Variants in IRAG1 observed in about 807,000 individuals in gnomAD.
IRAG1 encodes IP3R-associated cGMP kinase substrate.
In IRAG1, 62 loss-of-function variants were observed where a neutral mutation model predicts 106.2. That is an observed-to-expected ratio of 0.58 (90% CI 0.48 to 0.72). The LOEUF (loss-of-function observed/expected upper bound fraction) is 0.72. Among genes scored for constraint, IRAG1 ranks in the 30% least tolerant of loss-of-function variants. The pLI, the probability that IRAG1 is intolerant of heterozygous loss-of-function variation, is 0.00. For missense variants in IRAG1, 1,064 were observed against 1,140.7 expected (o/e 0.93, Z 0.97); for synonymous variants, 462 against 443.9 (o/e 1.04, Z -0.51).
chr11:10,589,664 C>T (rs187392889), intron 18 of IRAG1, among the ~76,000 whole-genome samples: 2 of 152,306 alleles, frequency 1.3e-5, no homozygotes, highest in East Asian at 3.9e-4. Context: ...TAAAGATGCC[C>T]TCACCTCTTT....
chr11:10,603,011 C>T, intron 14 of IRAG1, 109 bp downstream of exon 14: 3 of 1,319,412 alleles, frequency 2.3e-6, no homozygotes, highest in Non-Finnish European at 3.1e-6. Flanking sequence ...ATGCCTGGCC[C>T]AGAGGAAGCC....
intron 2 of IRAG1, among the ~76,000 whole-genome samples, chr11:10,640,622 G>T (rs1309369537): frequency 1.3e-5 from 2 of 152,140 alleles, no homozygotes; most frequent in African/African-American, 2.4e-5. Context: ...GATTCTAGGG[G>T]CCCTCTGGGG....
intron 10 of IRAG1, among the ~76,000 whole-genome samples, chr11:10,610,115 G>C (rs962816807): frequency 6.6e-6 from 1 of 152,204 alleles, no homozygotes; most frequent in Admixed American, 6.5e-5. Flanking sequence ...AGGTCTACCT[G>C]CTTCAAATGT....
At chr11:10,587,551 C>A (rs1852152501) in intron 18 of IRAG1, among the ~76,000 whole-genome samples, 1 of 152,144 alleles carries the variant, frequency 6.6e-6, no homozygotes, top group African/African-American at 2.4e-5. Context: ...CCTGTGAAAT[C>A]TTTAAGGAAT....
intron 1 of IRAG1, among the ~76,000 whole-genome samples, chr11:10,675,284 A>G (rs1454124921): frequency 6.6e-6 from 1 of 152,154 alleles, no homozygotes; most frequent in South Asian, 2.1e-4. Context: ...TCAGACCCCA[A>G]GTAGAATCTG....
chr11:10,583,717 A>C (rs1383703756), intron 18 of IRAG1, among the ~76,000 whole-genome samples: 1 of 152,196 alleles, frequency 6.6e-6, no homozygotes, highest in Non-Finnish European at 1.5e-5. Flanking sequence ...GGATGCCCGA[A>C]GGAACTCAGT....
intron 10 of IRAG1, 145 bp downstream of exon 10, chr11:10,623,633 G>A (rs974861467): frequency 1.3e-6 from 1 of 781,136 alleles, no homozygotes. Flanking sequence ...TGAGCGGGCA[G>A]AAGACACAAT....
intron 15 of IRAG1, among the ~76,000 whole-genome samples, chr11:10,600,580 C>G (rs1853881780): frequency 6.6e-6 from 1 of 152,208 alleles, no homozygotes; most frequent in Non-Finnish European, 1.5e-5. Flanking sequence ...AAAGGGGATC[C>G]CAAAGCACAC....
Position 10,603,259 on chromosome 11 carries a change from G to T in IRAG1, c.1744-8C>A, listed in dbSNP as rs16908026. ...CCAGAGTGAAGCTGAGGACTGAACAGGAGTAGGAGCATCACCTGGGGTCCT... is the reference window on the plus strand; with the variant it reads ...CCAGAGTGAAGCTGAGGACTGAACATGAGTAGGAGCATCACCTGGGGTCCT... On this transcript the variant is annotated splice_polypyrimidine_tract_variant and splice_region_variant and intron_variant, in intron 13 of 20. Coordinates refer to ENST00000423302, the MANE Select transcript of IRAG1 (RefSeq NM_130385.4). The T allele has an allele frequency of 6.2e-7, 1 of 1,613,232 alleles. No individual in the cohort carries two copies. The highest frequency in any genetic ancestry group is 1.3e-5 in the African/African-American group (1 of 74,884).
chr11:10,680,319 AG>A (rs1861058380), intron 1 of IRAG1, among the ~76,000 whole-genome samples: 1 of 94,750 alleles, frequency 1.1e-5, no homozygotes, highest in Admixed American at 1.2e-4. Flanking sequence ...GGAGGGAGGG[AG>A]GGGGGAAGGA....
chr11:10,602,391 C>T (rs547657629), intron 14 of IRAG1, among the ~76,000 whole-genome samples: 2 of 152,328 alleles, frequency 1.3e-5, no homozygotes, highest in African/African-American at 2.4e-5. Flanking sequence ...TCATTTTATA[C>T]TTGAAAAGAC....
rs1442760505 is a variant in IRAG1, at chr11:10,575,900, G to A, written c.*432C>T. ...AAATTCCAGGTCTGATGCTTAGGGT[G>A]TTAGTCATTAAGCAAATTCTTCCTG... On this transcript the variant is annotated 3_prime_UTR_variant, in exon 21 of 21. Transcript: ENST00000423302. 1 of 184,416 alleles carries A rather than the reference G, an allele frequency of 5.4e-6. No homozygotes were observed. Among genetic ancestry groups the A allele is most frequent in the Non-Finnish European group, 1.2e-5 (1 of 85,196 alleles). 11.4% of individuals were successfully genotyped at this position (184,416 alleles called of 1,614,324 possible).
intron 1 of IRAG1, among the ~76,000 whole-genome samples, chr11:10,677,757 T>A (rs1392725190): frequency 6.6e-6 from 1 of 152,228 alleles, no homozygotes; most frequent in Non-Finnish European, 1.5e-5. Flanking sequence ...ATGGAAACTC[T>A]GTACCCAGTA....
chr11:10,651,127 T>A (rs1324726165), intron 2 of IRAG1, among the ~76,000 whole-genome samples: 1 of 152,206 alleles, frequency 6.6e-6, no homozygotes, highest in Non-Finnish European at 1.5e-5. Flanking sequence ...GCAAAGTTCA[T>A]GAAGTCAAAG....
chr11:10,679,683 T>C (rs1860988693), intron 1 of IRAG1, among the ~76,000 whole-genome samples: 1 of 152,198 alleles, frequency 6.6e-6, no homozygotes, highest in Admixed American at 6.5e-5. Context: ...ACGTGATCCA[T>C]CCTGTGTCCA....
Position 10,603,169 on chromosome 11 carries a change from A to T in IRAG1, c.1826T>A (p.Leu609Gln). 1 of 1,608,216 alleles carries T rather than the reference A, an allele frequency of 6.2e-7. No individual in the cohort carries two copies. Among genetic ancestry groups the T allele is most frequent in the South Asian group, 1.1e-5 (1 of 90,514 alleles). Residue 609 changes from leucine to glutamine, a missense_variant, in exon 14 of 21, where the codon CTG (leucine) becomes CAG (glutamine). Coordinates refer to ENST00000423302, the MANE Select transcript of IRAG1 (RefSeq NM_130385.4). ...LLEDIAVLHR[L>Q]AARLSSRAEV... ...AGCTCGGCTGGAGAGGCGGGCAGCCAGGCGGTGCAGGACAGCGATGTCCTC... is the reference window on the plus strand; with the variant it reads ...AGCTCGGCTGGAGAGGCGGGCAGCCTGGCGGTGCAGGACAGCGATGTCCTC...
At chr11:10,597,636 C>G (rs947617646) in intron 15 of IRAG1, among the ~76,000 whole-genome samples, 1 of 152,188 alleles carries the variant, frequency 6.6e-6, no homozygotes, top group African/African-American at 2.4e-5. Context: ...GGATTACAGA[C>G]GTGAGCCACT....
At chr11:10,643,129 G>A (rs573606401) in intron 2 of IRAG1, among the ~76,000 whole-genome samples, 10 of 127,112 alleles carry the variant, frequency 7.9e-5, no homozygotes, top group African/African-American at 2.8e-4. Flanking sequence ...GAGCCTGATC[G>A]TGCCACTGCA....
intron 4 of IRAG1, among the ~76,000 whole-genome samples, chr11:10,630,857 AC>A (rs1856640593): frequency 6.6e-6 from 1 of 151,906 alleles, no homozygotes; most frequent in African/African-American, 2.4e-5. Flanking sequence ...CCATTAGCTA[AC>A]CCCCCTCCCC....
Sources: gnomAD v4.1 joint callset for allele counts (sites outside exome capture counted in the v4.1 genomes callset) on GRCh38, gnomAD v4.1.1 for gene constraint, MANE v1.5 for transcripts, NCBI Gene and HGNC (gene_info 2026-07-23, HGNC 2026-07-21) for gene names.